Variants in ITIH6 observed in about 807,000 individuals in gnomAD.
ITIH6 encodes inter-alpha-trypsin inhibitor heavy chain H6.
ITIH6 carries 60 observed loss-of-function variants against 58.2 expected under a neutral mutation model. That is an observed-to-expected ratio of 1.03 (90% CI 0.84 to 1.28). ITIH6 has a LOEUF of 1.28. ITIH6 is among the 50% of genes most tolerant of loss of function. The pLI is 0.00. For synonymous variants in ITIH6, 493 were observed against 417.4 expected (o/e 1.18, Z -2.21); for missense variants, 1,290 against 1,021.1 (o/e 1.26, Z -3.59).
chrX:54,795,025 C>T lies in ITIH6; in HGVS notation c.257+1917G>A, dbSNP rs186069344. Among the ~76,000 whole-genome samples the T allele has an allele frequency of 4.5e-3, 499 of 111,848 alleles. 3 individuals carry two copies. Among genetic ancestry groups the T allele is most frequent in the African/African-American group, 0.016 (483 of 30,777 alleles). On this transcript the variant is annotated intron_variant, in intron 2 of 12. Coordinates refer to ENST00000218436, the MANE Select transcript of ITIH6 (RefSeq NM_198510.3). ...CACTACAGTCAGGTTGTTTCTCTTTCGATAGTCTCTCAGATCCACCACCAC... is the reference window on the plus strand; with the variant it reads ...CACTACAGTCAGGTTGTTTCTCTTTTGATAGTCTCTCAGATCCACCACCAC...
chrX:54,788,622 C>T lies in ITIH6; in HGVS notation c.644G>A (p.Arg215Lys). The change falls in exon 5 of 13, where the codon AGG becomes AAG. Residue 215 changes from arginine to lysine, a missense_variant. Coordinates refer to ENST00000218436, the MANE Select transcript of ITIH6 (RefSeq NM_198510.3). ...ASEVDSPPST[R>K]IERGETCVRI... ...GACACAGGTCTCTCCCCTCTCGATCCTGGTGGATGGGGGTGAATCCACCTC... is the reference window on the plus strand; with the variant it reads ...GACACAGGTCTCTCCCCTCTCGATCTTGGTGGATGGGGGTGAATCCACCTC... 1 of 1,210,462 alleles carries T rather than the reference C, an allele frequency of 8.3e-7. No homozygotes were observed. Among genetic ancestry groups the T allele is most frequent in the Non-Finnish European group, 1.1e-6 (1 of 894,592 alleles).
At chrX:54,770,711 A>G (rs868369083) in intron 6 of ITIH6, among the ~76,000 whole-genome samples, 20 of 112,409 alleles carry the variant, frequency 1.8e-4, no homozygotes, top group Middle Eastern at 4.6e-3. Flanking sequence ...CACTAAATAC[A>G]TTGTTATTTT....
At chrX:54,772,308 G>A (rs893991920) in intron 6 of ITIH6, among the ~76,000 whole-genome samples, 3 of 112,032 alleles carry the variant, frequency 2.7e-5, no homozygotes, top group African/African-American at 9.7e-5. Context: ...GAACACACAT[G>A]TACACAAAGA....
Position 54,757,735 on chromosome X carries a change from G to T in ITIH6, c.2339C>A (p.Thr780Asn), listed in dbSNP as rs750608408. Residue 780 changes from threonine (T) to asparagine (N), a missense_variant, in exon 8 of 13, where the codon ACT (threonine) becomes AAT (asparagine). Coordinates refer to ENST00000218436, the MANE Select transcript of ITIH6 (RefSeq NM_198510.3). ...AGCACCAGGTTTGGAATGCAGTGGA[G>T]TAACACATTTCACAGTGTCAGCTTT... ...SPKADTVKCVTPLHSKPGAPS... is the reference protein window; with the variant it reads ...SPKADTVKCVNPLHSKPGAPS... 2 of 1,211,825 alleles carry T rather than the reference G, an allele frequency of 1.7e-6. No individual in the cohort carries two copies. The highest frequency in any genetic ancestry group is 2.2e-6 in the Non-Finnish European group (2 of 895,546).
At chrX:54,791,904 T>C (rs1360646231) in intron 3 of ITIH6, 22 bp downstream of exon 3, 3 of 902,339 alleles carry the variant, frequency 3.3e-6, no homozygotes, top group African/African-American at 3.9e-5. Flanking sequence ...TAAGTCATGT[T>C]TTGGACTGGA....
rs1444112293 is a variant in ITIH6, at chrX:54,757,592, C to A, written c.2482G>T (p.Val828Phe). Residue 828 changes from valine to phenylalanine, a missense_variant, in exon 8 of 13, where the codon GTT (valine) becomes TTT (phenylalanine). Physicochemically the swap from Val to Phe is conservative, Grantham distance 50. Transcript: ENST00000218436. The part of the protein sequence containing the change: ...PKYPLHTRPR[V>F]PAPKTRNNMP... Reference sequence around the variant, plus strand: ...TTGTTTCGGGTCTTGGGAGCAGGAACCCTAGGTCTGGTGTGTAGTGGGTAC... The same window carrying A: ...TTGTTTCGGGTCTTGGGAGCAGGAAACCTAGGTCTGGTGTGTAGTGGGTAC... 8.3e-7 allele frequency: 1 copy of A among 1,210,884 alleles called. No individual in the cohort carries two copies. Among genetic ancestry groups the A allele is most frequent in the Non-Finnish European group, 1.1e-6 (1 of 895,200 alleles).
intron 8 of ITIH6, 89 bp from the exon 9 acceptor site, chrX:54,755,198 C>G (rs1322733001): frequency 8.9e-6 from 7 of 790,740 alleles, no homozygotes; most frequent in Non-Finnish European, 1.3e-5. Context: ...CTCACTGGCT[C>G]TGCAGGTTGA....
chrX:54,792,602 T>C (rs1184575740), intron 2 of ITIH6, among the ~76,000 whole-genome samples: 1 of 111,101 alleles, frequency 9.0e-6, no homozygotes, highest in African/African-American at 3.3e-5. Flanking sequence ...TGGTAAAAAT[T>C]GTGAAAGAAG....
Position 54,749,965 on chromosome X carries a change from G to A in ITIH6, c.3872C>T (p.Ser1291Phe). The change falls in exon 13 of 13, where the codon TCC becomes TTC. Residue 1291 changes from serine to phenylalanine, a missense_variant. Coordinates refer to ENST00000218436, the MANE Select transcript of ITIH6 (RefSeq NM_198510.3). ...DSPRLLPRWA[S>F]CWLVKRSHVE... is the part of the protein sequence containing the mutation. ...ATGAGAGCGCTTCACCAGCCAGCAG[G>A]AAGCCCAGCGGGGCAGCAGCCTTGG... 1 of 1,211,759 alleles carries A rather than the reference G, an allele frequency of 8.3e-7. No individual in the cohort carries two copies.
intron 4 of ITIH6, among the ~76,000 whole-genome samples, chrX:54,790,556 A>T (rs1602067309): frequency 9.3e-6 from 1 of 107,695 alleles, no homozygotes; most frequent in South Asian, 4.0e-4. Context: ...TCATTAGCCC[A>T]CCCAACAAAC....
At chrX:54,797,142 C>T (rs764745446) in intron 1 of ITIH6, 46 bp from the exon 2 acceptor site, 183 of 1,117,231 alleles carry the variant, frequency 1.6e-4, no homozygotes, top group Non-Finnish European at 2.1e-4. Context: ...ACTATGTCCT[C>T]AGCCTAGATG....
Position 54,791,920 on chromosome X carries a change from C to T in ITIH6, c.368+6G>A, listed in dbSNP as rs781355588. 3 of 1,021,889 alleles carry T rather than the reference C, an allele frequency of 2.9e-6. No individual in the cohort carries two copies. Among genetic ancestry groups the T allele is most frequent in the Non-Finnish European group, 4.2e-6 (3 of 722,638 alleles). The allele number at this position is 1,021,889 out of a possible 1,213,427, so 84.2% of individuals were successfully genotyped here. A position where few individuals can be genotyped will look rare whatever the true frequency, so the allele number is the denominator to read the frequency against. On this transcript the variant is annotated splice_donor_region_variant and intron_variant, in intron 3 of 12. Transcript: ENST00000218436. ...AAGTCATGTTTTGGACTGGATGGGG[C>T]CTTACCTGATGCCTACATGAGCAGC...
At chrX:54,795,384 TA>T (rs1299343139) in intron 2 of ITIH6, among the ~76,000 whole-genome samples, 8 of 112,503 alleles carry the variant, frequency 7.1e-5, no homozygotes, top group Non-Finnish European at 1.3e-4. Flanking sequence ...ATATAATGCA[TA>T]AATGAATAAG....
intron 12 of ITIH6, 146 bp downstream of exon 12, chrX:54,750,857 G>T: frequency 1.7e-6 from 1 of 596,665 alleles, no homozygotes; most frequent in African/African-American, 2.3e-5. Flanking sequence ...ATCTGGGTCT[G>T]TCCTCTCCCA....
chrX:54,772,022 G>A (rs141371561), intron 6 of ITIH6, among the ~76,000 whole-genome samples: 8 of 111,821 alleles, frequency 7.2e-5, no homozygotes, highest in African/African-American at 1.3e-4. Flanking sequence ...AATGTAAGTC[G>A]TTCTACCATA....
chrX:54,749,839 C>A lies in ITIH6; in HGVS notation c.*56G>T. 9.5e-7 allele frequency: 1 copy of A among 1,055,725 alleles called. No homozygotes were observed. Among genetic ancestry groups the A allele is most frequent in the Non-Finnish European group, 1.3e-6 (1 of 771,787 alleles). 87.0% of individuals were successfully genotyped at this position (1,055,725 alleles called of 1,213,427 possible). On this transcript the variant is annotated 3_prime_UTR_variant, in exon 13 of 13. Transcript: ENST00000218436. ...GTCTCTGTCCCTGGCTCACCCCATG[C>A]CCTGGTTTCTGGATCTCCCAAATTC...
chrX:54,753,832 G>A (rs1928427052), intron 10 of ITIH6, 68 bp from the exon 11 acceptor site: 3 of 1,104,765 alleles, frequency 2.7e-6, no homozygotes, highest in Non-Finnish European at 2.5e-6. Flanking sequence ...AGAGAGAGGA[G>A]GGAAAGGGAA....
chrX:54,755,103 G>A lies in ITIH6; in HGVS notation c.3116C>T (p.Pro1039Leu). 8.3e-7 allele frequency: 1 copy of A among 1,201,649 alleles called. No homozygotes were observed. The highest frequency in any genetic ancestry group is 1.1e-6 in the Non-Finnish European group (1 of 887,399). Residue 1039 changes from proline (P) to leucine (L), a missense_variant, in exon 9 of 13, where the codon CCA (proline) becomes CTA (leucine). Pro to Leu is a moderately conservative substitution (Grantham distance 98). Transcript: ENST00000218436. ...TFLTPDEDGSPNWDGNSEEIL... is the reference protein window; with the variant it reads ...TFLTPDEDGSLNWDGNSEEIL... Reference sequence around the variant, plus strand: ...CTCCTCAGAATTGCCATCCCAGTTTGGACTTCCTGCCAAGCACAAAAGAAA... The same window carrying A: ...CTCCTCAGAATTGCCATCCCAGTTTAGACTTCCTGCCAAGCACAAAAGAAA...
At chrX:54,781,245 A>G (rs1162827302) in intron 5 of ITIH6, among the ~76,000 whole-genome samples, 1 of 112,165 alleles carries the variant, frequency 8.9e-6, no homozygotes, top group Non-Finnish European at 1.9e-5. Flanking sequence ...GACAAGTGGG[A>G]TCCAATTAAA....
Sources: allele counts gnomAD v4.1 joint callset (sites outside exome capture counted in the v4.1 genomes callset), GRCh38; gene constraint gnomAD v4.1.1; transcripts MANE v1.5; gene names NCBI Gene and HGNC (gene_info 2026-07-23, HGNC 2026-07-21).